Variants in SYNE2 observed in about 807,000 individuals in gnomAD.
SYNE2 encodes the protein spectrin repeat containing nuclear envelope protein 2.
In SYNE2, 431 loss-of-function variants were observed where a neutral mutation model predicts 856.3. The ratio of observed to expected loss-of-function variants is 0.50; its 90% CI spans 0.47 to 0.55. The LOEUF (loss-of-function observed/expected upper bound fraction) is 0.55, where lower values mean the gene tolerates loss of function less well. Ranked by LOEUF, SYNE2 falls within the 20% of genes least tolerant of loss-of-function variation. SYNE2 has a pLI of 0.00. For synonymous variants in SYNE2, 2,923 were observed against 2,872.3 expected, an observed-to-expected ratio of 1.02 and a Z score of -0.56; for missense variants, 8,129 against 8,023.2, an observed-to-expected ratio of 1.01 and a Z score of -0.50.
At chr14:63,930,112 C>A (rs1463385622) in intron 2 of SYNE2, among the ~76,000 whole-genome samples, 1 of 151,764 alleles carries the variant, frequency 6.6e-6, no homozygotes, top group Non-Finnish European at 1.5e-5. Flanking sequence ...TAGGTAGAAC[C>A]CTGTCTCTAC....
chr14:64,203,557 G>A (rs568262635), intron 100 of SYNE2, among the ~76,000 whole-genome samples: 4 of 152,282 alleles, frequency 2.6e-5, no homozygotes, highest in African/African-American at 9.6e-5. Flanking sequence ...CACCTGACAG[G>A]TGCTCTTTGA....
At chr14:64,104,544 G>A (rs1364678874) in intron 64 of SYNE2, among the ~76,000 whole-genome samples, 1 of 151,012 alleles carries the variant, frequency 6.6e-6, no homozygotes, top group East Asian at 2.0e-4. Context: ...CTGCCTCCTG[G>A]GTTCAAGCGA....
At chr14:64,010,216 TA>T in intron 32 of SYNE2, 100 bp downstream of exon 32, 1 of 1,309,494 alleles carries the variant, frequency 7.6e-7, no homozygotes, top group Non-Finnish European at 1.1e-6. Flanking sequence ...AAACTTCGTT[TA>T]AAAGAAGTTA....
intron 57 of SYNE2, 120 bp from the exon 58 acceptor site, chr14:64,087,551 C>G: frequency 9.2e-7 from 1 of 1,084,394 alleles, no homozygotes; most frequent in Non-Finnish European, 1.4e-6. Context: ...CATTATCGAA[C>G]TAGAAATGAC....
intron 67 of SYNE2, 112 bp from the exon 68 acceptor site, chr14:64,120,815 A>G (rs7147564): frequency 9.8e-6 from 11 of 1,120,388 alleles, no homozygotes; most frequent in Non-Finnish European, 1.3e-6. Context: ...ATAACAAAAT[A>G]CCATCATTTA....
intron 15 of SYNE2, 127 bp downstream of exon 15, chr14:63,980,859 C>T (rs892166195): frequency 1.9e-6 from 2 of 1,077,592 alleles, no homozygotes; most frequent in African/African-American, 1.6e-5. Context: ...AAAATTCTTG[C>T]TTTCACTTTT....
intron 79 of SYNE2, 23 bp downstream of exon 79, chr14:64,138,006 T>C (rs2098109378): frequency 6.2e-7 from 1 of 1,605,534 alleles, no homozygotes. Context: ...GGGGGTGGAT[T>C]GGCTTCATAT....
rs1393089319 is a variant in SYNE2 at position 63,853,143 on chromosome 14, G to C, written c.-52G>C. On this transcript the variant is annotated splice_region_variant and 5_prime_UTR_variant, in exon 1 of 116. Transcript: ENST00000555002. ...GCCCTTGCCCCTCGGCCGGGCGGAC[G>C]GTGGGTGAGCGCGGCCGCGGGGCCC... The C allele has an allele frequency of 1.3e-5, 2 of 151,438 alleles. No individual in the cohort carries two copies. The highest frequency in any genetic ancestry group is 4.8e-5 in the African/African-American group (2 of 41,286). 9.4% of individuals were successfully genotyped at this position (151,438 alleles called of 1,614,324 possible).
intron 102 of SYNE2, 176 bp from the exon 103 acceptor site, chr14:64,209,766 G>A (rs2098630240): frequency 1.8e-6 from 2 of 1,126,892 alleles, no homozygotes; most frequent in South Asian, 2.7e-5. Context: ...CAGCTGCTAT[G>A]TAATGAACTT....
At chr14:63,973,068 C>T (rs1020772855) in intron 11 of SYNE2, among the ~76,000 whole-genome samples, 6 of 151,050 alleles carry the variant, frequency 4.0e-5, no homozygotes, top group Admixed American at 1.3e-4. Context: ...TAGCCCTGGC[C>T]AACATGGCAC....
intron 1 of SYNE2, among the ~76,000 whole-genome samples, chr14:63,776,451 G>A (rs1367771584): frequency 1.3e-5 from 2 of 152,100 alleles, no homozygotes; most frequent in Non-Finnish European, 2.9e-5. Context: ...GTCAAAAATA[G>A]TAAGAGAGTT....
rs1376374786 is a variant in SYNE2 at position 64,188,607 on chromosome 14, G to GA, written c.17777dup (p.Asn5926LysfsTer2). On this transcript the variant is annotated frameshift_variant, in exon 98 of 116. Transcript: ENST00000555002. LOFTEE classifies it high-confidence loss of function. Reference sequence around the variant, plus strand: ...ACTCAATACATGGGTTGTATTCAATGAAAAAAATAAAGAGTTGTGTGCCTG... The same window carrying GA: ...ACTCAATACATGGGTTGTATTCAATGAAAAAAAATAAAGAGTTGTGTGCCTG... The GA allele has an allele frequency of 6.2e-7, 1 of 1,614,142 alleles. No individual in the cohort carries two copies. Among genetic ancestry groups the GA allele is most frequent in the Non-Finnish European group, 8.5e-7 (1 of 1,179,994 alleles).
At chr14:63,813,454 C>T (rs1172572378) in intron 1 of SYNE2, among the ~76,000 whole-genome samples, 2 of 152,210 alleles carry the variant, frequency 1.3e-5, no homozygotes, top group Non-Finnish European at 1.5e-5. Context: ...TCCAAACAAA[C>T]ATGTCCAATT....
intron 66 of SYNE2, among the ~76,000 whole-genome samples, chr14:64,118,326 C>T (rs745478787): frequency 2.0e-5 from 3 of 152,142 alleles, no homozygotes; most frequent in Non-Finnish European, 4.4e-5. Context: ...AATACAATGA[C>T]CGAGACTTAC....
chr14:64,136,497 G>A (rs1318980012), intron 78 of SYNE2, among the ~76,000 whole-genome samples: 1 of 151,854 alleles, frequency 6.6e-6, no homozygotes, highest in African/African-American at 2.4e-5. Flanking sequence ...TGATTTAAAA[G>A]GCTTAACTTA....
intron 2 of SYNE2, among the ~76,000 whole-genome samples, chr14:63,921,527 T>A (rs2095600751): frequency 6.6e-6 from 1 of 152,092 alleles, no homozygotes; most frequent in Non-Finnish European, 1.5e-5. Flanking sequence ...CAACTGAGTG[T>A]GGTATCATGG....
In SYNE2 at chr14:64,016,638, G is replaced by T; in HGVS notation, c.4887+7G>T. ...TGTGGATAGATGGCTTGATGTAAGT[G>T]ATAATTTCATTGATTGCAAATTTAA... On this transcript the variant is annotated splice_region_variant and intron_variant, in intron 33 of 115. Transcript: ENST00000555002. 6.4e-7 allele frequency: 1 copy of T among 1,570,078 alleles called. No homozygotes were observed. Among genetic ancestry groups the T allele is most frequent in the South Asian group, 1.1e-5 (1 of 87,296 alleles).
Position 64,010,046 on chromosome 14 carries a change from A to G in SYNE2, c.4658A>G (p.Lys1553Arg). 1 of 1,614,126 alleles carries G rather than the reference A, an allele frequency of 6.2e-7. No homozygotes were observed. The highest frequency in any genetic ancestry group is 8.5e-7 in the Non-Finnish European group (1 of 1,179,992). Residue 1553 changes from lysine (K) to arginine (R), a missense_variant, in exon 32 of 116, where the codon AAA (lysine) becomes AGA (arginine). Physicochemically the swap from Lys to Arg is conservative, Grantham distance 26 (BLOSUM62 2). Around this residue, in one of 3 missense-constraint regions of SYNE2, gnomAD observed 2,422 missense variants for 2,357.4 expected, o/e 1.03. Transcript: ENST00000555002. ...FKSILTTLIQ[K>R]EESVISLQAS... is the part of the protein sequence containing the mutation. Reference sequence around the variant, plus strand: ...AGCATCTTGACAACTTTGATTCAAAAAGAAGAGAGTGTCATCTCCCTGCAG... The same window carrying G: ...AGCATCTTGACAACTTTGATTCAAAGAGAAGAGAGTGTCATCTCCCTGCAG...
chr14:64,139,819 C>G, intron 79 of SYNE2, 122 bp from the exon 80 acceptor site: 1 of 981,566 alleles, frequency 1.0e-6, no homozygotes, highest in Non-Finnish European at 1.6e-6. Flanking sequence ...TCATGATATT[C>G]TGAATGTTAG....
Sources: allele counts gnomAD v4.1 joint callset (sites outside exome capture counted in the v4.1 genomes callset), GRCh38; gene constraint gnomAD v4.1.1; regional missense constraint gnomAD v4.1.1; transcripts MANE v1.5; gene names NCBI Gene and HGNC (gene_info 2026-07-23, HGNC 2026-07-21).